MROH1: variants seen among roughly 807,000 people sequenced by gnomAD.
MROH1 encodes maestro heat-like repeat-containing protein family member 1.
In MROH1, 117 loss-of-function variants were observed where a neutral mutation model predicts 116.5. The ratio of observed to expected loss-of-function variants is 1.00; its 90% confidence interval spans 0.86 to 1.17. The LOEUF (loss-of-function observed/expected upper bound fraction) is 1.17, where lower values mean the gene tolerates loss of function less well. Among genes scored for constraint, MROH1 ranks in the 50% most tolerant of loss-of-function variants. MROH1 has a pLI of 0.00. For missense variants in MROH1, 1,873 were observed against 1,338.5 expected, an observed-to-expected ratio of 1.40 and a Z score of -6.23; for synonymous variants, 921 against 583.9, an observed-to-expected ratio of 1.58 and a Z score of -8.32.
intron 12 of MROH1, among the ~76,000 whole-genome samples, chr8:144,216,953 G>T (rs953040648): frequency 6.6e-6 from 1 of 152,148 alleles, no homozygotes; most frequent in South Asian, 2.1e-4. Context: ...CTCCCAAAGT[G>T]CTGGGATTAC....
At chr8:144,181,752 C>T (rs998554990) in intron 7 of MROH1, among the ~76,000 whole-genome samples, 9 of 152,076 alleles carry the variant, frequency 5.9e-5, no homozygotes, top group Admixed American at 5.2e-4. Context: ...GTGCCTGGGG[C>T]GCAGGACGTG....
chr8:144,180,236 A>T lies in MROH1; in HGVS notation c.359A>T (p.Gln120Leu). Residue 120 changes from glutamine to leucine, a missense_variant, in exon 6 of 44, where the codon CAG becomes CTG. By Grantham distance (113) the Gln-to-Leu change is moderately radical. Coordinates refer to ENST00000326134, the MANE Select transcript of MROH1 (RefSeq NM_032450.3). The surrounding 1 kb of genome is among the most constrained non-coding windows in gnomAD (Gnocchi z 7.4). ...GGCGTCCTGGTGGCCGTGGGAAGAC[A>T]GTTCATCAGCAAGGTGATGGAGGAG... ...ASGVLVAVGRQFISKVMEELL... is the reference protein window; with the variant it reads ...ASGVLVAVGRLFISKVMEELL... The T allele has an allele frequency of 6.2e-7, 1 of 1,613,226 alleles. No individual in the cohort carries two copies. The highest frequency in any genetic ancestry group is 8.5e-7 in the Non-Finnish European group (1 of 1,179,814).
chr8:144,186,931 A>T (rs1827342272), intron 7 of MROH1, among the ~76,000 whole-genome samples: 1 of 152,092 alleles, frequency 6.6e-6, no homozygotes. Context: ...CGTCTCAACT[A>T]AAATACAAAA....
At chr8:144,209,105 C>T (rs969732999) in intron 12 of MROH1, among the ~76,000 whole-genome samples, 2 of 150,272 alleles carry the variant, frequency 1.3e-5, no homozygotes, top group African/African-American at 2.5e-5. Context: ...CCATGTTAGT[C>T]AGGCTGGTCT....
chr8:144,213,183 G>T (rs1176345617), intron 12 of MROH1: 2 of 727,620 alleles, frequency 2.7e-6, no homozygotes, highest in African/African-American at 3.4e-5. Context: ...TGGTTCTGCG[G>T]GCGACTGCCC....
Position 144,190,654 on chromosome 8 carries a change from T to C in MROH1, c.563-130T>C. On this transcript the variant is annotated intron_variant, in intron 7 of 43. Transcript: ENST00000326134. ...CCTGTGTAGTCCTGGAGTTGTGTGC[T>C]TGGCTGGTGTTCTAGGGAGGGCATC... 3.8e-6 allele frequency: 4 copies of C among 1,060,170 alleles called. No individual in the cohort carries two copies. The South Asian group carries it at 4.7e-5, about 12-fold the overall frequency. The allele number at this position is 1,060,170 out of a possible 1,614,324, so 65.7% of individuals were successfully genotyped here.
At chr8:144,183,358 G>A (rs1394260746) in intron 7 of MROH1, among the ~76,000 whole-genome samples, 1 of 149,850 alleles carries the variant, frequency 6.7e-6, no homozygotes, top group Non-Finnish European at 1.5e-5. Flanking sequence ...TCCAGCCTGG[G>A]TGACAGAGCA....
intron 14 of MROH1, among the ~76,000 whole-genome samples, chr8:144,232,381 T>G (rs1839065243): frequency 6.6e-6 from 1 of 152,220 alleles, no homozygotes; most frequent in African/African-American, 2.4e-5. Flanking sequence ...ATGTCAAAAT[T>G]GAAACATTTT....
chr8:144,225,164 G>A (rs930669812), intron 14 of MROH1, among the ~76,000 whole-genome samples: 4 of 151,932 alleles, frequency 2.6e-5, no homozygotes, highest in South Asian at 2.1e-4. Flanking sequence ...TCAGCCTCCC[G>A]AGTAGGTGGG....
At chr8:144,250,898 G>C (rs969993580) in intron 33 of MROH1, 1 of 227,828 alleles carries the variant, frequency 4.4e-6, no homozygotes, top group Non-Finnish European at 8.8e-6. Context: ...AGGGCAGGGC[G>C]TGTCTACCAC....
chr8:144,194,507 A>G (rs1829370510), intron 10 of MROH1, among the ~76,000 whole-genome samples: 1 of 152,200 alleles, frequency 6.6e-6, no homozygotes, highest in South Asian at 2.1e-4. Flanking sequence ...CTGCCTCTCA[A>G]TGCGGATCGG....
At chr8:144,170,112 C>T (rs559140759) in intron 4 of MROH1, among the ~76,000 whole-genome samples, 4 of 152,170 alleles carry the variant, frequency 2.6e-5, no homozygotes, top group African/African-American at 4.8e-5. Flanking sequence ...GGATTACAGG[C>T]GTGAGCCACT....
intron 1 of MROH1, among the ~76,000 whole-genome samples, chr8:144,155,601 G>A (rs1403485923): frequency 6.7e-6 from 1 of 148,456 alleles, no homozygotes; most frequent in Non-Finnish European, 1.5e-5. Flanking sequence ...AGGACCAACT[G>A]TATGATGTTA....
intron 12 of MROH1, chr8:144,213,042 G>A (rs772813232): frequency 2.6e-5 from 20 of 779,592 alleles, no homozygotes; most frequent in South Asian, 1.2e-4. Flanking sequence ...GCAGTCACAC[G>A]ACTGAAACAT....
At chr8:144,192,168 T>G in intron 9 of MROH1, 141 bp from the exon 10 acceptor site, 1 of 733,702 alleles carries the variant, frequency 1.4e-6, no homozygotes, top group Non-Finnish European at 2.2e-6. Flanking sequence ...ACGAAAGGCC[T>G]CCTCATTTGA....
At chr8:144,247,116 C>T (rs1842051802) in intron 29 of MROH1, among the ~76,000 whole-genome samples, 185 bp from the exon 30 acceptor site, 1 of 152,168 alleles carries the variant, frequency 6.6e-6, no homozygotes, top group African/African-American at 2.4e-5. Context: ...TGAGCAGCGC[C>T]CACGCTGCAG....
intron 3 of MROH1, among the ~76,000 whole-genome samples, chr8:144,164,384 G>A (rs1419034407): frequency 2.0e-5 from 3 of 148,322 alleles, no homozygotes; most frequent in Non-Finnish European, 4.5e-5. Flanking sequence ...CAGTCTGGGC[G>A]ATGGAGTGAG....
At chr8:144,239,494 G>T in intron 17 of MROH1, 120 bp from the exon 18 acceptor site, 1 of 765,032 alleles carries the variant, frequency 1.3e-6, no homozygotes, top group South Asian at 1.4e-5. Flanking sequence ...CCTCTACGTG[G>T]GCGGCCCAGC....
intron 14 of MROH1, among the ~76,000 whole-genome samples, chr8:144,226,385 C>A (rs1224505437): frequency 2.0e-5 from 3 of 152,176 alleles, no homozygotes; most frequent in Admixed American, 2.0e-4. Flanking sequence ...CTCTAACGCT[C>A]CAGCTCCACT....
Sources: gnomAD v4.1 joint callset for allele counts (sites outside exome capture counted in the v4.1 genomes callset) on GRCh38, gnomAD v4.1.1 for gene constraint, Gnocchi (gnomAD v3.1) non-coding constraint, MANE v1.5 for transcripts, NCBI Gene and HGNC (gene_info 2026-07-23, HGNC 2026-07-21) for gene names.